The following KASH5 variants were observed in gnomAD, a reference collection of about 807,000 sequenced individuals.
The protein encoded by KASH5 is KASH domain containing 5.
A neutral mutation model predicts 84.2 loss-of-function variants in KASH5; 72 were observed. That is an observed-to-expected ratio of 0.85 (90% CI 0.71 to 1.04). KASH5 has a LOEUF of 1.04. Ranked by LOEUF, KASH5 falls within the 50% of genes least tolerant of loss-of-function variation. The pLI is 0.00. For missense variants in KASH5, 650 were observed against 701.0 expected (o/e 0.93, Z 0.82); for synonymous variants, 260 against 279.1 (o/e 0.93, Z 0.68).
At chr19:49,397,782 G>GC in intron 6 of KASH5, 65 bp downstream of exon 6, 4 of 1,567,844 alleles carry the variant, frequency 2.6e-6, no homozygotes, top group Non-Finnish European at 2.6e-6. Flanking sequence ...GCCTGCCGAG[G>GC]CCCGGGTAGG....
rs1974931179 is a variant in KASH5 at position 49,417,114 on chromosome 19, G to C, written c.1439+35G>C. ...CCCACAGGGTCCAGGAGGGACACTG[G>C]GGCAAGGAAAAACCCAGTGGTGATT... On this transcript the variant is annotated intron_variant, in intron 18 of 19. Transcript: ENST00000447857. This position sits in a 1 kb window ranked among gnomAD's most constrained non-coding sequence, Gnocchi z 5.2. 1 of 1,608,478 alleles carries C rather than the reference G, an allele frequency of 6.2e-7. No individual in the cohort carries two copies. Among genetic ancestry groups the C allele is most frequent in the Non-Finnish European group, 8.5e-7 (1 of 1,177,626 alleles).
chr19:49,389,303 T>C (rs1293200590), intron 1 of KASH5, among the ~76,000 whole-genome samples: 5 of 116,158 alleles, frequency 4.3e-5, no homozygotes, highest in Non-Finnish European at 5.2e-5. Flanking sequence ...AATCAAAATC[T>C]CCAAAATCCA....
intron 9 of KASH5, among the ~76,000 whole-genome samples, chr19:49,403,086 G>A (rs750951777): frequency 7.2e-5 from 11 of 152,008 alleles, no homozygotes; most frequent in South Asian, 2.1e-4. Context: ...GGCTGGGCGC[G>A]GTGGCTCACA....
chr19:49,407,355 C>T (rs1974561210), intron 11 of KASH5, 59 bp downstream of exon 11: 1 of 1,565,756 alleles, frequency 6.4e-7, no homozygotes, highest in Admixed American at 1.7e-5. Context: ...CACTTCCTGC[C>T]CCTGGTCTAG....
Position 49,417,402 on chromosome 19 carries a change from C to A in KASH5, c.1581C>A (p.Val527=). The A allele has an allele frequency of 1.9e-6, 3 of 1,555,162 alleles. No individual in the cohort carries two copies. Among genetic ancestry groups the A allele is most frequent in the Non-Finnish European group, 2.6e-6 (3 of 1,149,084 alleles). The change falls in exon 20 of 20, where the codon GTC becomes GTA. Residue 527 remains valine, a synonymous_variant. Transcript: ENST00000447857. This position sits in a 1 kb window ranked among gnomAD's most constrained non-coding sequence, Gnocchi z 5.2. ...GACATCCACTGATCCCAGCTCCTGT[C>A]CTGGGCCTGCTGCTGCTGCTGCTGC... The part of the protein sequence containing the change: ...VTRHPLIPAP[V]LGLLLLLLLS...
At position 49,407,616 on chromosome 19, in the gene KASH5, C is replaced by T. The variant is rs1481206839; in HGVS notation, c.938C>T (p.Thr313Ile). The T allele has an allele frequency of 3.1e-6, 5 of 1,596,228 alleles. No individual in the cohort carries two copies. Among genetic ancestry groups the T allele is most frequent in the Non-Finnish European group, 4.3e-6 (5 of 1,171,636 alleles). ...CQRDTILSERTRDVESLAQTL... is the reference protein window; with the variant it reads ...CQRDTILSERIRDVESLAQTL... ...TTTGGCTTTCGGCTTTCCTAGCGCA[C>T]TCGCGATGTGGAGAGCCTGGCCCAG... The change falls in exon 12 of 20, where the codon ACT (threonine) becomes ATT (isoleucine). Residue 313 changes from threonine to isoleucine, a missense_variant. Transcript: ENST00000447857.
intron 12 of KASH5, among the ~76,000 whole-genome samples, chr19:49,408,695 G>A (rs1479836856): frequency 2.6e-5 from 4 of 152,118 alleles, no homozygotes; most frequent in Admixed American, 2.0e-4. Context: ...TGATCTGCCC[G>A]CCTGGGCCTC....
At chr19:49,401,539 G>C (rs1042566557) in intron 9 of KASH5, among the ~76,000 whole-genome samples, 10 of 152,162 alleles carry the variant, frequency 6.6e-5, no homozygotes, top group African/African-American at 2.2e-4. Context: ...ACACCGTGAT[G>C]ATTCTGAGAG....
intron 10 of KASH5, 106 bp from the exon 11 acceptor site, chr19:49,407,134 A>G: frequency 7.1e-7 from 1 of 1,402,698 alleles, no homozygotes; most frequent in South Asian, 1.2e-5. Flanking sequence ...ACATCTCAGG[A>G]GGCTGAATAC....
chr19:49,398,105 T>C lies in KASH5; in HGVS notation c.591T>C (p.Leu197=). Residue 197 remains leucine (L), a synonymous_variant, in exon 7 of 20, where the codon CTT becomes CTC. Transcript: ENST00000447857. ...METAEEGSAR[L]GEEILALRKQ... is the part of the protein sequence containing the mutation. ...CAGCTGAGGAGGGGTCAGCACGCCT[T>C]GGGGAGGAGATCTTGGCTCTGCGTA... 1 of 1,604,878 alleles carries C rather than the reference T, an allele frequency of 6.2e-7. No homozygotes were observed.
chr19:49,412,787 C>T lies in KASH5; in HGVS notation c.1270-181C>T, dbSNP rs1465868004. 1.3e-5 allele frequency among the ~76,000 whole-genome samples: 2 copies of T among 152,184 alleles called. No homozygotes were observed. Among genetic ancestry groups the T allele is most frequent in the Non-Finnish European group, 2.9e-5 (2 of 68,030 alleles). ...CTTAGGGGGCTAATAGGGCCATCCT[C>T]ATGTAGGGCAGCACGAGAGGAGGGC... On this transcript the variant is annotated intron_variant, in intron 15 of 19. Coordinates refer to ENST00000447857, the MANE Select transcript of KASH5 (RefSeq NM_144688.5). This position sits in a 1 kb window ranked among gnomAD's most constrained non-coding sequence, Gnocchi z 4.6.
chr19:49,410,541 T>A (rs1974678151), intron 15 of KASH5, among the ~76,000 whole-genome samples: 1 of 150,154 alleles, frequency 6.7e-6, no homozygotes, highest in Admixed American at 6.7e-5. Flanking sequence ...TGGAGTGCAG[T>A]GGCACGATCT....
chr19:49,395,304 CA>C lies in KASH5; in HGVS notation c.335+13del, dbSNP rs1334420911. 6.2e-7 allele frequency: 1 copy of C among 1,608,826 alleles called. No individual in the cohort carries two copies. The highest frequency in any genetic ancestry group is 8.5e-7 in the Non-Finnish European group (1 of 1,178,324). ...TGTCAACTACATGGGTGAGTCCCCA[CA>C]TCTTCATCCTCCTCTGGGAAGTCCT... On this transcript the variant is annotated intron_variant, in intron 4 of 19. Coordinates refer to ENST00000447857, the MANE Select transcript of KASH5 (RefSeq NM_144688.5). The surrounding 1 kb of genome is among the most constrained non-coding windows in gnomAD (Gnocchi z 4.4).
intron 13 of KASH5, 33 bp downstream of exon 13, chr19:49,409,064 G>T: frequency 6.3e-7 from 1 of 1,582,200 alleles, no homozygotes; most frequent in South Asian, 1.2e-5. Context: ...GGAGGAGGCA[G>T]GAGGGGAGCC....
Position 49,408,877 on chromosome 19 carries a change from G to A in KASH5, c.994-90G>A, listed in dbSNP as rs944851495. 41 of 1,386,590 alleles carry A rather than the reference G, an allele frequency of 3.0e-5. No individual in the cohort carries two copies. The African/African-American group carries it at 5.4e-4, about 18-fold the overall frequency. 85.9% of individuals were successfully genotyped at this position (1,386,590 alleles called of 1,614,324 possible). ...GGGGAGCCCAAAGTAGTCAGGAAAG[G>A]GGAAAGAACCCTGGAAGAGGAGCCC... On this transcript the variant is annotated intron_variant, in intron 12 of 19. Transcript: ENST00000447857.
chr19:49,408,765 G>A (rs1453783146), intron 12 of KASH5, among the ~76,000 whole-genome samples: 2 of 152,188 alleles, frequency 1.3e-5, no homozygotes, highest in African/African-American at 4.8e-5. Context: ...CTGTGCTTTA[G>A]CTTCTGGATT....
At chr19:49,405,693 A>C (rs1303529357) in intron 9 of KASH5, among the ~76,000 whole-genome samples, 1 of 152,040 alleles carries the variant, frequency 6.6e-6, no homozygotes, top group East Asian at 1.9e-4. Flanking sequence ...GCGGTGGCTC[A>C]CACCTGTAGT....
At chr19:49,408,896 G>C (rs756948033) in intron 12 of KASH5, 71 bp from the exon 13 acceptor site, 16 of 1,491,120 alleles carry the variant, frequency 1.1e-5, no homozygotes, top group African/African-American at 1.4e-5. Flanking sequence ...CCCTGGAAGA[G>C]GAGCCCAGAG....
chr19:49,411,970 A>AGGAG (rs1974733575), intron 15 of KASH5, among the ~76,000 whole-genome samples: 1 of 137,894 alleles, frequency 7.3e-6, no homozygotes, highest in African/African-American at 3.1e-5. Context: ...GAAGGAAGGA[A>AGGAG]GGAAAGAAGG....
Sources: gnomAD v4.1 joint callset for allele counts (sites outside exome capture counted in the v4.1 genomes callset) on GRCh38, gnomAD v4.1.1 for gene constraint, Gnocchi (gnomAD v3.1) non-coding constraint, MANE v1.5 for transcripts, NCBI Gene and HGNC (gene_info 2026-07-23, HGNC 2026-07-21) for gene names.